The following ADGRL3 variants were observed in gnomAD, a reference collection of about 807,000 sequenced individuals.
ADGRL3 encodes calcium-independent alpha-latrotoxin receptor 3.
ADGRL3 carries 62 observed loss-of-function variants against 153.5 expected under a neutral mutation model. The ratio of observed to expected loss-of-function variants is 0.40; its 90% CI spans 0.33 to 0.50. The LOEUF (loss-of-function observed/expected upper bound fraction) is 0.50. Ranked by LOEUF, ADGRL3 falls within the 20% of genes least tolerant of loss-of-function variation. The pLI, the probability that ADGRL3 is intolerant of heterozygous loss-of-function variation, is 0.47. For missense variants in ADGRL3, 1,641 were observed against 1,859.4 expected (o/e 0.88, Z 2.16); for synonymous variants, 710 against 672.5 (o/e 1.06, Z -0.86).
At chr4:61,220,125 A>G (rs1203497825) in intron 1 of ADGRL3, among the ~76,000 whole-genome samples, 2 of 151,102 alleles carry the variant, frequency 1.3e-5, no homozygotes, top group African/African-American at 2.4e-5. Flanking sequence ...AAAAAAAAAA[A>G]AAAAGAAAAG....
intron 17 of ADGRL3, among the ~76,000 whole-genome samples, chr4:61,976,419 C>T (rs932268882): frequency 1.3e-5 from 2 of 152,090 alleles, no homozygotes; most frequent in African/African-American, 4.8e-5. Context: ...CATTCAATGT[C>T]CACTTGATAT....
At chr4:61,676,702 C>G (rs1281082825) in intron 5 of ADGRL3, 124 bp from the exon 6 acceptor site, 3 of 700,314 alleles carry the variant, frequency 4.3e-6, no homozygotes, top group Non-Finnish European at 7.7e-6. Flanking sequence ...GGCCTAAAGC[C>G]CCAAATTAAG....
chr4:61,713,141 G>A (rs1458118830), intron 6 of ADGRL3, among the ~76,000 whole-genome samples: 1 of 151,922 alleles, frequency 6.6e-6, no homozygotes, highest in Non-Finnish European at 1.5e-5. Context: ...CTTGACTCTG[G>A]AGCCCTTTTT....
chr4:61,919,261 A>C (rs560641159), intron 13 of ADGRL3, among the ~76,000 whole-genome samples: 1 of 152,226 alleles, frequency 6.6e-6, no homozygotes, highest in Non-Finnish European at 1.5e-5. Flanking sequence ...CATCAAAGCC[A>C]ACCCAAACTT....
intron 5 of ADGRL3, among the ~76,000 whole-genome samples, chr4:61,620,281 G>A (rs541036450): frequency 3.3e-5 from 5 of 152,246 alleles, no homozygotes; most frequent in Admixed American, 2.0e-4. Context: ...CAGGACAGGC[G>A]ATAATAGCTA....
At chr4:61,356,834 T>G (rs1013774566) in intron 1 of ADGRL3, among the ~76,000 whole-genome samples, 5 of 152,162 alleles carry the variant, frequency 3.3e-5, no homozygotes, top group Non-Finnish European at 5.9e-5. Context: ...AGTCCTGGCC[T>G]TAAAGGTTCT....
At chr4:62,050,136 A>G (rs1190163328) in intron 25 of ADGRL3, among the ~76,000 whole-genome samples, 2 of 152,110 alleles carry the variant, frequency 1.3e-5, no homozygotes, top group East Asian at 3.9e-4. Flanking sequence ...AAATAATAAT[A>G]GATTGTGCTA....
chr4:61,553,814 TC>T (rs2098751737), intron 4 of ADGRL3, among the ~76,000 whole-genome samples: 1 of 152,146 alleles, frequency 6.6e-6, no homozygotes, highest in Non-Finnish European at 1.5e-5. Context: ...CTGAACTAAC[TC>T]CTACAATTCA....
intron 10 of ADGRL3, among the ~76,000 whole-genome samples, chr4:61,893,782 G>C (rs1208060631): frequency 7.5e-6 from 1 of 133,782 alleles, no homozygotes; most frequent in Middle Eastern, 5.1e-3. Flanking sequence ...GCATGATCTC[G>C]GCTTACCCTC....
chr4:61,900,399 G>A (rs1246198756), intron 11 of ADGRL3, among the ~76,000 whole-genome samples: 1 of 152,142 alleles, frequency 6.6e-6, no homozygotes, highest in Admixed American at 6.5e-5. Flanking sequence ...TCATGTACTG[G>A]TAAAGTTAGA....
At chr4:62,048,740 A>G (rs1732533090) in intron 25 of ADGRL3, among the ~76,000 whole-genome samples, 1 of 150,760 alleles carries the variant, frequency 6.6e-6, no homozygotes. Context: ...TTTTTTAGGG[A>G]TAGGGTTTTG....
chr4:61,356,200 ATCTACTGATATTCTCATTGGTGTC>A (rs1197864976), intron 1 of ADGRL3, among the ~76,000 whole-genome samples: 2 of 152,054 alleles, frequency 1.3e-5, no homozygotes, highest in Non-Finnish European at 2.9e-5. Flanking sequence ...CAGATTACGC[ATCTACTGATATTCTCATTGGTGTC>A]TAGGTAAGGT....
intron 1 of ADGRL3, among the ~76,000 whole-genome samples, chr4:61,255,194 G>T (rs983204671): frequency 6.6e-6 from 1 of 152,136 alleles, no homozygotes; most frequent in African/African-American, 2.4e-5. Flanking sequence ...ACACAGACTT[G>T]CTCACTTCAG....
chr4:61,637,342 C>A (rs556149062), intron 5 of ADGRL3, among the ~76,000 whole-genome samples: 1 of 152,174 alleles, frequency 6.6e-6, no homozygotes, highest in South Asian at 2.1e-4. Flanking sequence ...GCAGCAGAAG[C>A]CAAGCAATGC....
At chr4:61,978,874 TTC>T (rs33967133) in intron 17 of ADGRL3, among the ~76,000 whole-genome samples, 29,170 of 152,088 alleles carry the variant, frequency 0.19, 3,402 homozygotes, top group East Asian at 0.44. Flanking sequence ...ACAGGCTCTA[TTC>T]ATGCAAAACC....
chr4:61,409,727 A>C (rs2097060371), intron 2 of ADGRL3, among the ~76,000 whole-genome samples: 1 of 151,986 alleles, frequency 6.6e-6, no homozygotes. Context: ...CAGAAAATAA[A>C]ATGTCATGAT....
intron 4 of ADGRL3, among the ~76,000 whole-genome samples, chr4:61,571,654 C>T (rs1276288996): frequency 6.6e-6 from 1 of 152,178 alleles, no homozygotes; most frequent in Non-Finnish European, 1.5e-5. Flanking sequence ...ATTGCTTCTA[C>T]TGGGAATGAT....
At chr4:61,522,255 A>G (rs1280773110) in intron 4 of ADGRL3, among the ~76,000 whole-genome samples, 2 of 152,186 alleles carry the variant, frequency 1.3e-5, no homozygotes, top group Non-Finnish European at 2.9e-5. Flanking sequence ...AATGTAACAT[A>G]GCACACACTT....
rs1174232668 is a variant in ADGRL3, at chr4:61,779,633, C to CAAA, written c.1400-34151_1400-34149dup. Among the ~76,000 whole-genome samples, 141 of 42,088 alleles carry CAAA rather than the reference C, an allele frequency of 3.4e-3. 7 individuals are homozygous for CAAA. Among genetic ancestry groups the CAAA allele is most frequent in the African/African-American group, 0.013 (132 of 10,252 alleles). The allele number at this position is 42,088 out of a possible 152,430, so 27.6% of individuals were successfully genotyped here. A position where few individuals can be genotyped will look rare whatever the true frequency, so the allele number is the denominator to read the frequency against. ...TCGGTGCTGCAGTAAGACTCTGTCT[C>CAAA]AAAAAAAAAAAAAAAAAAAAAAAAA... is the stretch of plus-strand genomic sequence containing the variant. On this transcript the variant is annotated intron_variant, in intron 8 of 26. Transcript: ENST00000683033.
Sources: allele counts gnomAD v4.1 joint callset (sites outside exome capture counted in the v4.1 genomes callset), GRCh38; gene constraint gnomAD v4.1.1; transcripts MANE v1.5; gene names NCBI Gene and HGNC (gene_info 2026-07-23, HGNC 2026-07-21).